Variants in COL25A1 observed in about 807,000 individuals in gnomAD.
COL25A1 encodes collagen type XXV alpha 1 chain.
Under a neutral mutation model 128.4 loss-of-function variants are expected in COL25A1, and 103 were observed. The ratio of observed to expected loss-of-function variants is 0.80; its 90% CI spans 0.68 to 0.94. COL25A1 has a LOEUF of 0.94. COL25A1 is among the 40% of genes least tolerant of loss of function. The probability of loss-of-function intolerance (pLI) is 0.00; values close to 1 mark genes in which losing one functional copy is unlikely to be tolerated. For synonymous variants in COL25A1, 279 were observed against 277.2 expected, an observed-to-expected ratio of 1.01 and a Z score of -0.06; for missense variants, 745 against 840.0, an observed-to-expected ratio of 0.89 and a Z score of 1.40.
chr4:109,278,507 G>A (rs964513013), intron 3 of COL25A1, among the ~76,000 whole-genome samples: 1 of 152,112 alleles, frequency 6.6e-6, no homozygotes, highest in Non-Finnish European at 1.5e-5. Context: ...AGGTCCGTTG[G>A]CCAGCTCCTT....
chr4:108,889,298 G>T (rs750521118), intron 17 of COL25A1, 42 bp from the exon 18 acceptor site: 4 of 1,607,258 alleles, frequency 2.5e-6, no homozygotes, highest in South Asian at 2.2e-5. Context: ...AGTCTTAAAA[G>T]AATTTTCTAA....
chr4:109,145,795 C>T (rs1018038596), intron 3 of COL25A1, among the ~76,000 whole-genome samples: 18 of 151,974 alleles, frequency 1.2e-4, no homozygotes, highest in Non-Finnish European at 1.3e-4. Context: ...GAGCCAAGAT[C>T]GCACCATTGC....
rs1281771681 is a variant in COL25A1 at position 108,812,010 on chromosome 4, T to C, written c.*1917A>G. 6.6e-6 allele frequency: 1 copy of C among 152,158 alleles called. No homozygotes were observed. The highest frequency in any genetic ancestry group is 1.5e-5 in the Non-Finnish European group (1 of 68,014). The allele number at this position is 152,158 out of a possible 1,614,324, so 9.4% of individuals were successfully genotyped here. A position where few individuals can be genotyped will look rare whatever the true frequency, so the allele number is the denominator to read the frequency against. Reference sequence around the variant, plus strand: ...TGAAACTAGAAATCTTCCCAGAAGATGGCATTGAGTCAGGAGAGAAATTAA... The same window carrying C: ...TGAAACTAGAAATCTTCCCAGAAGACGGCATTGAGTCAGGAGAGAAATTAA... On this transcript the variant is annotated 3_prime_UTR_variant, in exon 38 of 38. Transcript: ENST00000399132.
At chr4:109,289,617 C>T (rs1404964103) in intron 3 of COL25A1, among the ~76,000 whole-genome samples, 2 of 152,088 alleles carry the variant, frequency 1.3e-5, no homozygotes, top group African/African-American at 2.4e-5. Context: ...AGCTCCAAAT[C>T]AGAAGCTGAC....
At chr4:109,268,949 T>C (rs1289113096) in intron 3 of COL25A1, among the ~76,000 whole-genome samples, 2 of 151,962 alleles carry the variant, frequency 1.3e-5, no homozygotes, top group African/African-American at 2.4e-5. Context: ...TTTTTTTTTA[T>C]ACTTTAAGTT....
intron 16 of COL25A1, among the ~76,000 whole-genome samples, chr4:108,896,279 A>G (rs1306673843): frequency 6.6e-6 from 1 of 151,924 alleles, no homozygotes; most frequent in African/African-American, 2.4e-5. Flanking sequence ...CAATCCTCTG[A>G]CATGTTCTCT....
intron 5 of COL25A1, among the ~76,000 whole-genome samples, chr4:109,027,173 G>C (rs897469395): frequency 1.6e-4 from 25 of 152,206 alleles, no homozygotes; most frequent in African/African-American, 5.8e-4. Context: ...GAATGTTTAT[G>C]AATAATGTGG....
At chr4:109,182,910 C>T (rs1318349564) in intron 3 of COL25A1, among the ~76,000 whole-genome samples, 1 of 151,964 alleles carries the variant, frequency 6.6e-6, no homozygotes, top group Admixed American at 6.6e-5. Flanking sequence ...TTTCAAGCTG[C>T]TTTTCTGAGA....
chr4:109,039,780 T>C (rs1027938343), intron 5 of COL25A1, among the ~76,000 whole-genome samples: 3 of 152,208 alleles, frequency 2.0e-5, no homozygotes, highest in African/African-American at 7.2e-5. Context: ...AGTGTGTGAA[T>C]ATGCATTATC....
intron 3 of COL25A1, among the ~76,000 whole-genome samples, chr4:109,165,366 G>A (rs979975230): frequency 6.6e-6 from 1 of 152,096 alleles, no homozygotes; most frequent in South Asian, 2.1e-4. Flanking sequence ...GGCAAAATTA[G>A]AGCATACATA....
intron 3 of COL25A1, among the ~76,000 whole-genome samples, chr4:109,149,304 A>C (rs1771244390): frequency 6.6e-6 from 1 of 152,220 alleles, no homozygotes; most frequent in Admixed American, 6.5e-5. Flanking sequence ...AAGTTGAAAA[A>C]TATTAAATCA....
At chr4:109,209,992 A>T (rs1426294975) in intron 3 of COL25A1, among the ~76,000 whole-genome samples, 1 of 151,966 alleles carries the variant, frequency 6.6e-6, no homozygotes, top group East Asian at 1.9e-4. Context: ...CAGAGGTTGC[A>T]GTGAGCCAAA....
At chr4:109,196,597 G>A (rs1006931995) in intron 3 of COL25A1, among the ~76,000 whole-genome samples, 9 of 152,112 alleles carry the variant, frequency 5.9e-5, no homozygotes, top group Non-Finnish European at 8.8e-5. Context: ...TCGAAGAAAG[G>A]TTTTATTTTT....
At chr4:108,901,360 G>T (rs556376515) in intron 13 of COL25A1, among the ~76,000 whole-genome samples, 188 bp from the exon 14 acceptor site, 1 of 152,202 alleles carries the variant, frequency 6.6e-6, no homozygotes, top group South Asian at 2.1e-4. Context: ...ATACAATGGG[G>T]TTAATTTCCT....
intron 8 of COL25A1, among the ~76,000 whole-genome samples, chr4:108,970,698 T>G (rs1751822368): frequency 6.6e-6 from 1 of 152,130 alleles, no homozygotes; most frequent in African/African-American, 2.4e-5. Context: ...TTGACCAACA[T>G]CTCCTAAAAC....
At chr4:108,858,652 T>C (rs1027148015) in intron 24 of COL25A1, among the ~76,000 whole-genome samples, 2 of 152,072 alleles carry the variant, frequency 1.3e-5, no homozygotes, top group Non-Finnish European at 2.9e-5. Flanking sequence ...GCTGGGGGCA[T>C]ACACAGATTA....
rs1740187704 is a variant in COL25A1 at position 108,882,028 on chromosome 4, A to G, written c.1020+2150T>C. Among the ~76,000 whole-genome samples, 3 of 152,132 alleles carry G rather than the reference A, an allele frequency of 2.0e-5. No homozygotes were observed. In the South Asian group the frequency reaches 6.2e-4, roughly 32 times the overall value. ...CAAGGAGAGAAAAACAAAAGAAAATATCAGAGCTACCTGACCTCGACAAAC... is the reference window on the plus strand; with the variant it reads ...CAAGGAGAGAAAAACAAAAGAAAATGTCAGAGCTACCTGACCTCGACAAAC... On this transcript the variant is annotated intron_variant, in intron 19 of 37. Transcript: ENST00000399132.
At chr4:108,886,175 A>G (rs1471742756) in intron 18 of COL25A1, among the ~76,000 whole-genome samples, 3 of 152,188 alleles carry the variant, frequency 2.0e-5, no homozygotes, top group Non-Finnish European at 2.9e-5. Flanking sequence ...TTCATATTTC[A>G]TAATTTGACC....
intron 3 of COL25A1, among the ~76,000 whole-genome samples, chr4:109,181,323 T>C (rs1774608214): frequency 6.6e-6 from 1 of 152,080 alleles, no homozygotes; most frequent in Non-Finnish European, 1.5e-5. Context: ...TGGACCAGAG[T>C]TCCATCCATA....
Sources: allele counts gnomAD v4.1 joint callset (sites outside exome capture counted in the v4.1 genomes callset), GRCh38; gene constraint gnomAD v4.1.1; transcripts MANE v1.5; gene names NCBI Gene and HGNC (gene_info 2026-07-23, HGNC 2026-07-21).